Variants in CHADL observed in about 807,000 individuals in gnomAD.
The protein encoded by CHADL is chondroadherin like.
A neutral mutation model predicts 52.1 loss-of-function variants in CHADL; 48 were observed. The observed-to-expected ratio is 0.92, with a 90% CI of 0.73 to 1.17. CHADL has a LOEUF of 1.17. Ranked by LOEUF, CHADL falls within the 50% of genes most tolerant of loss-of-function variation. The pLI is 0.00. For synonymous variants in CHADL, 498 were observed against 511.2 expected (o/e 0.97, Z 0.35); for missense variants, 977 against 1,035.1 (o/e 0.94, Z 0.77).
chr22:41,238,062 T>C lies in CHADL; in HGVS notation c.1010A>G (p.Gln337Arg). ...RARVRSDGAC[Q>R]GPRRLRGEAL... ...CTCGCCCCGCAGGCGCCGCGGCCCC[T>C]GGCACGCGCCGTCCGAGCGCACGCG... The change falls in exon 3 of 6, where the codon CAG becomes CGG. Residue 337 changes from glutamine (Q) to arginine (R), a missense_variant. Transcript: ENST00000216241. This position sits in a 1 kb window ranked among gnomAD's most constrained non-coding sequence, Gnocchi z 4.9. 1 of 1,272,376 alleles carries C rather than the reference T, an allele frequency of 7.9e-7. No individual in the cohort carries two copies. Among genetic ancestry groups the C allele is most frequent in the Non-Finnish European group, 9.8e-7 (1 of 1,017,632 alleles). 78.8% of individuals were successfully genotyped at this position (1,272,376 alleles called of 1,614,324 possible).
At chr22:41,240,341 T>C (rs998960039) in intron 1 of CHADL, among the ~76,000 whole-genome samples, 8 of 152,218 alleles carry the variant, frequency 5.3e-5, no homozygotes, top group Non-Finnish European at 1.2e-4. Flanking sequence ...TTGTCCCACC[T>C]TGGCCTCCCA....
chr22:41,230,546 TCTTC>T lies in CHADL; in HGVS notation c.2263-820_2263-817del. 7.3e-6 allele frequency: 3 copies of T among 412,506 alleles called. No homozygotes were observed. The South Asian group carries it at 8.9e-5, about 12-fold the overall frequency. The allele number at this position is 412,506 out of a possible 1,614,324, so 25.6% of individuals were successfully genotyped here. ...CAAAGCTGGAACGCTAGCTGCCTGC[TCTTC>T]CTTAAGATGGCCTCCCCCCGACCCG... On this transcript the variant is annotated intron_variant, in intron 5 of 5. Coordinates refer to ENST00000216241, the MANE Select transcript of CHADL (RefSeq NM_138481.2).
rs1483390395 is a variant in CHADL at position 41,239,559 on chromosome 22, G to T, written c.70C>A (p.Pro24Thr). The change falls in exon 2 of 6, where the codon CCG (proline) becomes ACG (threonine). Residue 24 changes from proline (P) to threonine (T), a missense_variant. Pro to Thr is a conservative substitution (Grantham distance 38). Transcript: ENST00000216241. The part of the protein sequence containing the change: ...LPLLVLLLLA[P>T]ARQAAAQRCP... The stretch of plus-strand genomic sequence containing the variant: ...CGCTGGGCGGCGGCCTGCCTAGCCG[G>T]GGCCAGCAGCAGAAGTACAAGAAGC... 8 of 1,547,980 alleles carry T rather than the reference G, an allele frequency of 5.2e-6. No individual in the cohort carries two copies. In the African/African-American group the frequency reaches 1.1e-4, roughly 21 times the overall value.
chr22:41,232,358 G>A (rs1475886485), intron 5 of CHADL, among the ~76,000 whole-genome samples: 1 of 151,606 alleles, frequency 6.6e-6, no homozygotes, highest in African/African-American at 2.4e-5. Flanking sequence ...ATTTACACCT[G>A]TAAAGGATGG....
intron 3 of CHADL, among the ~76,000 whole-genome samples, chr22:41,236,970 C>A (rs533392054): frequency 2.6e-5 from 4 of 152,246 alleles, no homozygotes; most frequent in Admixed American, 6.5e-5. Context: ...CCAGCAATAC[C>A]GTCCTGTGCA....
rs1333079776 is a variant in CHADL at position 41,238,339 on chromosome 22, CGTA to C, written c.730_732del (p.Tyr244del). The C allele has an allele frequency of 2.0e-6, 3 of 1,512,674 alleles. No individual in the cohort carries two copies. The highest frequency in any genetic ancestry group is 4.9e-5 in the East Asian group (2 of 40,454). 93.7% of individuals were successfully genotyped at this position (1,512,674 alleles called of 1,614,324 possible). On this transcript the variant is annotated inframe_deletion, in exon 3 of 6. Transcript: ENST00000216241. This position sits in a 1 kb window ranked among gnomAD's most constrained non-coding sequence, Gnocchi z 4.9. ...AGCGCCAGCCCGTCCTCCTCGCCCGCGTAGGTGAGCGGGTTGTGGCCCAGCTCC... is the reference window on the plus strand; with the variant it reads ...AGCGCCAGCCCGTCCTCCTCGCCCGCGGTGAGCGGGTTGTGGCCCAGCTCC...
At position 41,238,122 on chromosome 22, in the gene CHADL, T is replaced by G; in HGVS notation, c.950A>C (p.Gln317Pro). Residue 317 changes from glutamine to proline, a missense_variant, in exon 3 of 6, where the codon CAG becomes CCG. Transcript: ENST00000216241. The surrounding 1 kb of genome is among the most constrained non-coding windows in gnomAD (Gnocchi z 4.9). ...LQGNPLWCGC[Q>P]ARPLLEWLAR... ...CAGCCACTCGAGTAGGGGCCGCGCC[T>G]GGCAGCCGCACCACAGCGGATTCCC... The G allele has an allele frequency of 7.4e-7, 1 of 1,347,884 alleles. No homozygotes were observed. The allele number at this position is 1,347,884 out of a possible 1,614,324, so 83.5% of individuals were successfully genotyped here. A position where few individuals can be genotyped will look rare whatever the true frequency, so the allele number is the denominator to read the frequency against.
At chr22:41,239,396 C>A in intron 2 of CHADL, 47 bp downstream of exon 2, 1 of 1,525,842 alleles carries the variant, frequency 6.6e-7, no homozygotes, top group Non-Finnish European at 8.8e-7. Context: ...TCTGGGTCCC[C>A]ACCTTGCCCC....
rs754016631 is a variant in CHADL, at chr22:41,237,911, G to GGGGCCGCGCGGA, written c.1149_1160dup (p.Pro384_Pro387dup). On this transcript the variant is annotated inframe_insertion, in exon 3 of 6. Transcript: ENST00000216241. ...AAGGCGCGACTGCCCGCTCCTCCCCGGGGCCGCGCGGAGGGCCGCGCGGAG... is the reference window on the plus strand; with the variant it reads ...AAGGCGCGACTGCCCGCTCCTCCCCGGGGCCGCGCGGAGGGCCGCGCGGAGGGCCGCGCGGAG... 225 of 1,297,006 alleles carry GGGGCCGCGCGGA rather than the reference G, an allele frequency of 1.7e-4. No individual in the cohort carries two copies. The African/African-American group carries it at 2.7e-3, about 15-fold the overall frequency. The allele number at this position is 1,297,006 out of a possible 1,614,324, so 80.3% of individuals were successfully genotyped here.
intron 5 of CHADL, 111 bp from the exon 6 acceptor site, chr22:41,229,841 G>A: frequency 9.9e-7 from 1 of 1,009,940 alleles, no homozygotes; most frequent in Non-Finnish European, 1.5e-6. Flanking sequence ...TGTGAATGGA[G>A]CTGAGTCCCC....
chr22:41,229,867 G>A (rs1278513901), intron 5 of CHADL, 137 bp from the exon 6 acceptor site: 6 of 827,462 alleles, frequency 7.3e-6, no homozygotes, highest in East Asian at 2.7e-5. Context: ...GCCCGGCCCC[G>A]GCCCCTCCTC....
At chr22:41,232,102 G>A (rs1601552354) in intron 5 of CHADL, among the ~76,000 whole-genome samples, 1 of 152,104 alleles carries the variant, frequency 6.6e-6, no homozygotes, top group African/African-American at 2.4e-5. Flanking sequence ...GGAGGCCACG[G>A]CGGGCGGATC....
chr22:41,240,515 C>A (rs1030948685), intron 1 of CHADL, among the ~76,000 whole-genome samples: 3 of 152,242 alleles, frequency 2.0e-5, no homozygotes, highest in Admixed American at 2.0e-4. Flanking sequence ...TCCTTTGGGT[C>A]CCAGGCTCCA....
rs1376614792 is a variant in CHADL, at chr22:41,234,395, A to ATTATTATT, written c.2262+749_2262+750insAATAATAA. On this transcript the variant is annotated intron_variant, in intron 5 of 5. Transcript: ENST00000216241. ...TATTATTATTATTATTATTATTATTATTATTGAGACGGAGTCTCACCCTGT... is the reference window on the plus strand; with the variant it reads ...TATTATTATTATTATTATTATTATTATTATTATTTTATTGAGACGGAGTCTCACCCTGT... Among the ~76,000 whole-genome samples, 960 of 148,996 alleles carry ATTATTATT rather than the reference A, an allele frequency of 6.4e-3. 10 individuals carry two copies. Among genetic ancestry groups the ATTATTATT allele is most frequent in the African/African-American group, 0.022 (905 of 40,416 alleles).
chr22:41,230,089 C>CCCCCCCCCTT, intron 5 of CHADL: 1 of 873,242 alleles, frequency 1.1e-6, no homozygotes, highest in Non-Finnish European at 1.8e-6. Flanking sequence ...GCCCCCACCC[C>CCCCCCCCCTT]TCCCAGAGTT....
chr22:41,240,104 C>T (rs956577205), intron 1 of CHADL, among the ~76,000 whole-genome samples: 1 of 152,138 alleles, frequency 6.6e-6, no homozygotes, highest in Non-Finnish European at 1.5e-5. Context: ...TAAATAGAGA[C>T]AAGCCTTGCT....
chr22:41,230,458 A>C (rs575033107), intron 5 of CHADL: 3 of 539,988 alleles, frequency 5.6e-6, no homozygotes, highest in Middle Eastern at 4.7e-4. Flanking sequence ...GGAAAGGTCT[A>C]TATGACGGGC....
chr22:41,230,089 CTCCCAGAGTTATTTACTCG>C, intron 5 of CHADL: 2 of 873,234 alleles, frequency 2.3e-6, no homozygotes, highest in South Asian at 1.6e-5. Flanking sequence ...GCCCCCACCC[CTCCCAGAGTTATTTACTCG>C]CCCACCCACC....
rs764463707 is a variant in CHADL at position 41,236,618 on chromosome 22, G to C, written c.1929C>G (p.Pro643=). 2.6e-6 allele frequency: 4 copies of C among 1,550,266 alleles called. No individual in the cohort carries two copies. The East Asian group carries it at 7.3e-5, about 28-fold the overall frequency. The change falls in exon 4 of 6, where the codon CCC becomes CCG. Residue 643 remains proline, a synonymous_variant. Coordinates refer to ENST00000216241, the MANE Select transcript of CHADL (RefSeq NM_138481.2). ...ICPGAFSGLG[P]GLQSLHLQKN... ...TCTGCAGGTGCAGGCTCTGGAGCCCGGGCCCCAGGCCTGAAAAGGCCCCAG... is the reference window on the plus strand; with the variant it reads ...TCTGCAGGTGCAGGCTCTGGAGCCCCGGCCCCAGGCCTGAAAAGGCCCCAG...
Sources: gnomAD v4.1 joint callset for allele counts (sites outside exome capture counted in the v4.1 genomes callset) on GRCh38, gnomAD v4.1.1 for gene constraint, Gnocchi (gnomAD v3.1) non-coding constraint, MANE v1.5 for transcripts, NCBI Gene and HGNC (gene_info 2026-07-23, HGNC 2026-07-21) for gene names.